The following NEMP2 variants were observed in gnomAD, a reference collection of about 807,000 sequenced individuals.
The protein encoded by NEMP2 is UPF0571 transmembrane protein.
A neutral mutation model predicts 54.2 loss-of-function variants in NEMP2; 53 were observed. The ratio of observed to expected loss-of-function variants is 0.98; its 90% CI spans 0.78 to 1.23. The LOEUF (loss-of-function observed/expected upper bound fraction) is 1.23, where lower values mean the gene tolerates loss of function less well. Among genes scored for constraint, NEMP2 ranks in the 50% most tolerant of loss-of-function variants. NEMP2 has a pLI of 0.00. For synonymous variants in NEMP2, 197 were observed against 190.3 expected (o/e 1.04, Z -0.29); for missense variants, 455 against 511.3 (o/e 0.89, Z 1.06).
At chr2:190,544,998 G>C in the NEMP2 span, among the ~76,000 whole-genome samples, 1 of 151,594 alleles carries the variant, frequency 6.6e-6, no homozygotes, top group Non-Finnish European at 1.5e-5. Flanking sequence ...AGCTACTCAG[G>C]AGGCTGATGT....
rs746861850 is a variant in NEMP2 at position 190,533,585 on chromosome 2, T to TA, written c.97+973dup. ...AGTTGGGAGCTGTGGCAGAATCTGA[T>TA]AATGACCTCATCAACATCCAGTCTC... On this transcript the variant is annotated intron_variant, in intron 1 of 8. Transcript: ENST00000409150. This position sits in a 1 kb window ranked among gnomAD's most constrained non-coding sequence, Gnocchi z 4.3. 4.6e-5 allele frequency among the ~76,000 whole-genome samples: 7 copies of TA among 152,152 alleles called. No individual in the cohort carries two copies. In the East Asian group the frequency reaches 1.2e-3, roughly 25 times the overall value.
intron 3 of NEMP2, 34 bp downstream of exon 3, chr2:190,518,918 T>C (rs564370059): frequency 2.6e-5 from 40 of 1,526,760 alleles, no homozygotes; most frequent in Non-Finnish European, 3.4e-5. Context: ...AAAAACTGAA[T>C]CCAGAAAGTC....
rs1690342199 is a variant in NEMP2, at chr2:190,510,933, A to T, written c.954-396T>A. 6.6e-6 allele frequency among the ~76,000 whole-genome samples: 1 copy of T among 152,160 alleles called. No homozygotes were observed. Among genetic ancestry groups the T allele is most frequent in the Non-Finnish European group, 1.5e-5 (1 of 68,020 alleles). On this transcript the variant is annotated intron_variant, in intron 7 of 8. Coordinates refer to ENST00000409150, the MANE Select transcript of NEMP2 (RefSeq NM_001142645.2). This position sits in a 1 kb window ranked among gnomAD's most constrained non-coding sequence, Gnocchi z 5.7. Reference sequence around the variant, plus strand: ...ATACATTTCTTAGATGGTAACAGTAATAATACTTCTTAACTTCCTCTATAT... The same window carrying T: ...ATACATTTCTTAGATGGTAACAGTATTAATACTTCTTAACTTCCTCTATAT...
the NEMP2 span, among the ~76,000 whole-genome samples, chr2:190,627,067 C>A: frequency 6.6e-6 from 1 of 152,172 alleles, no homozygotes; most frequent in African/African-American, 2.4e-5. The surrounding 1 kb of genome is among the most constrained non-coding windows in gnomAD (Gnocchi z 4.4). Flanking sequence ...ATCTCTAAGG[C>A]CCCATTCAAC....
At chr2:190,602,559 A>G in the NEMP2 span, among the ~76,000 whole-genome samples, 2 of 152,202 alleles carry the variant, frequency 1.3e-5, no homozygotes, top group Admixed American at 6.5e-5. Flanking sequence ...GTTGACACTC[A>G]GAGTTAACCA....
the NEMP2 span, among the ~76,000 whole-genome samples, chr2:190,540,050 A>C: frequency 6.6e-6 from 1 of 152,134 alleles, no homozygotes; most frequent in African/African-American, 2.4e-5. Flanking sequence ...AATGTTAACT[A>C]TGAGTTTCTC....
chr2:190,586,855 G>A, the NEMP2 span, among the ~76,000 whole-genome samples: 25 of 152,160 alleles, frequency 1.6e-4, no homozygotes, highest in East Asian at 5.8e-4. This position sits in a 1 kb window ranked among gnomAD's most constrained non-coding sequence, Gnocchi z 4.5. Context: ...TATCAATAGC[G>A]CTTGAATTTA....
the NEMP2 span, among the ~76,000 whole-genome samples, chr2:190,629,515 A>G: frequency 6.6e-6 from 1 of 152,208 alleles, no homozygotes; most frequent in Non-Finnish European, 1.5e-5. Flanking sequence ...GAAATCATTA[A>G]CTTTTAATGA....
chr2:190,612,259 G>A, the NEMP2 span, among the ~76,000 whole-genome samples: 5 of 149,310 alleles, frequency 3.3e-5, no homozygotes, highest in African/African-American at 9.9e-5. Context: ...AGGTTCAAGC[G>A]ATTCTTCTGC....
At chr2:190,554,450 G>T in the NEMP2 span, among the ~76,000 whole-genome samples, 1 of 152,206 alleles carries the variant, frequency 6.6e-6, no homozygotes, top group Non-Finnish European at 1.5e-5. The surrounding 1 kb of genome is among the most constrained non-coding windows in gnomAD (Gnocchi z 5.7). Flanking sequence ...CTCGACCTGG[G>T]ACTCTGGAGC....
the NEMP2 span, among the ~76,000 whole-genome samples, chr2:190,567,266 A>G: frequency 6.6e-6 from 1 of 152,098 alleles, no homozygotes; most frequent in African/African-American, 2.4e-5. The surrounding 1 kb of genome is among the most constrained non-coding windows in gnomAD (Gnocchi z 4.0). Flanking sequence ...AGATGAGTAG[A>G]TTAACAATAA....
the NEMP2 span, among the ~76,000 whole-genome samples, chr2:190,443,937 A>T: frequency 1.3e-5 from 2 of 152,154 alleles, no homozygotes; most frequent in East Asian, 3.9e-4. This position sits in a 1 kb window ranked among gnomAD's most constrained non-coding sequence, Gnocchi z 4.2. Context: ...CTGTAGTCCC[A>T]GTTACTTGGG....
At position 190,512,846 on chromosome 2, in the gene NEMP2, G is replaced by A. The variant is rs74730625; in HGVS notation, c.953+1607C>T. ...CCCTGCCCTGCTGCCTTTCAGCCCC[G>A]CCAGCATCTTCTGTGCGGGCTCCCT... On this transcript the variant is annotated intron_variant, in intron 7 of 8. Coordinates refer to ENST00000409150, the MANE Select transcript of NEMP2 (RefSeq NM_001142645.2). The surrounding 1 kb of genome is among the most constrained non-coding windows in gnomAD (Gnocchi z 4.5). 3.9e-4 allele frequency among the ~76,000 whole-genome samples: 59 copies of A among 152,266 alleles called. No individual in the cohort carries two copies. In the East Asian group the frequency reaches 0.01, roughly 27 times the overall value.
At chr2:190,587,397 A>G in the NEMP2 span, among the ~76,000 whole-genome samples, 1 of 152,192 alleles carries the variant, frequency 6.6e-6, no homozygotes, top group African/African-American at 2.4e-5. The surrounding 1 kb of genome is among the most constrained non-coding windows in gnomAD (Gnocchi z 5.4). Context: ...CTTGAGGAAC[A>G]AAGGCAAAAA....
the NEMP2 span, among the ~76,000 whole-genome samples, chr2:190,574,103 T>C: frequency 1.3e-5 from 2 of 152,248 alleles, no homozygotes; most frequent in South Asian, 4.1e-4. Flanking sequence ...GTCATTGTTT[T>C]ATTTTATTGC....
chr2:190,489,967 G>A, the NEMP2 span: 1 of 970,620 alleles, frequency 1.0e-6, no homozygotes, highest in Non-Finnish European at 1.5e-6. The surrounding 1 kb of genome is among the most constrained non-coding windows in gnomAD (Gnocchi z 6.6). Flanking sequence ...TATACAACAG[G>A]TCTGTTTGGC....
chr2:190,525,167 C>T lies in NEMP2; in HGVS notation c.213+96G>A. ...TAGTGATACACAGATCTGTGTCATA[C>T]CAAAAATACTTTCTATTCCTGAAGT... On this transcript the variant is annotated intron_variant, in intron 2 of 8. Coordinates refer to ENST00000409150, the MANE Select transcript of NEMP2 (RefSeq NM_001142645.2). The surrounding 1 kb of genome is among the most constrained non-coding windows in gnomAD (Gnocchi z 5.0). The T allele has an allele frequency of 1.4e-6, 1 of 693,222 alleles. No homozygotes were observed. The highest frequency in any genetic ancestry group is 2.5e-6 in the Non-Finnish European group (1 of 407,136). 42.9% of individuals were successfully genotyped at this position (693,222 alleles called of 1,614,324 possible). A position where few individuals can be genotyped will look rare whatever the true frequency, so the allele number is the denominator to read the frequency against.
At chr2:190,553,099 T>C in the NEMP2 span, among the ~76,000 whole-genome samples, 1 of 152,154 alleles carries the variant, frequency 6.6e-6, no homozygotes, top group African/African-American at 2.4e-5. Context: ...AGACAAATTC[T>C]AAAAGAGCTG....
At position 190,510,266 on chromosome 2, in the gene NEMP2, C is replaced by G. The variant is rs1002171176; in HGVS notation, c.1130+95G>C. The G allele has an allele frequency of 5.7e-6, 8 of 1,407,246 alleles. No individual in the cohort carries two copies. In the African/African-American group the frequency reaches 7.2e-5, roughly 13 times the overall value. 87.2% of individuals were successfully genotyped at this position (1,407,246 alleles called of 1,614,324 possible). A position where few individuals can be genotyped will look rare whatever the true frequency, so the allele number is the denominator to read the frequency against. On this transcript the variant is annotated intron_variant, in intron 8 of 8. Transcript: ENST00000409150. The surrounding 1 kb of genome is among the most constrained non-coding windows in gnomAD (Gnocchi z 5.7). ...ATCATCTGTTATCCAGGGAAACAGT[C>G]TATTTCTACCCTGAAGTGCCTGTAC...
Sources: allele counts gnomAD v4.1 joint callset (sites outside exome capture counted in the v4.1 genomes callset), GRCh38; gene constraint gnomAD v4.1.1; non-coding constraint Gnocchi (gnomAD v3.1); transcripts MANE v1.5; gene names NCBI Gene and HGNC (gene_info 2026-07-23, HGNC 2026-07-21).